The following RAB8B variants were observed in gnomAD, a reference collection of about 807,000 sequenced individuals.
RAB8B encodes the protein ras-related protein Rab-8B.
A neutral mutation model predicts 32.0 loss-of-function variants in RAB8B; 11 were observed. The ratio of observed to expected loss-of-function variants is 0.34; its 90% CI spans 0.22 to 0.57. The LOEUF is 0.57. Among genes scored for constraint, RAB8B ranks in the 20% least tolerant of loss-of-function variants. The pLI, the probability that RAB8B is intolerant of heterozygous loss-of-function variation, is 0.86. For synonymous variants in RAB8B, 103 were observed against 89.6 expected (o/e 1.15, Z -0.85); for missense variants, 190 against 258.5 (o/e 0.73, Z 1.82).
Position 63,218,610 on chromosome 15 carries a change from A to G in RAB8B, c.125-26146A>G, listed in dbSNP as rs140555336. Among the ~76,000 whole-genome samples the G allele has an allele frequency of 2.5e-3, 380 of 152,334 alleles. 1 individual carries two copies. Among genetic ancestry groups the G allele is most frequent in the Non-Finnish European group, 4.6e-3 (311 of 68,026 alleles). ...TTCCTCATTTAAAGGGCATAGTCCCACTTCATTCATTTGAAATGATGTCAG... is the reference window on the plus strand; with the variant it reads ...TTCCTCATTTAAAGGGCATAGTCCCGCTTCATTCATTTGAAATGATGTCAG... On this transcript the variant is annotated intron_variant, in intron 1 of 7. Transcript: ENST00000321437.
At chr15:63,210,317 G>C (rs574744395) in intron 1 of RAB8B, among the ~76,000 whole-genome samples, 1 of 152,306 alleles carries the variant, frequency 6.6e-6, no homozygotes, top group Admixed American at 6.5e-5. Context: ...GGCTTTCTCT[G>C]TGTCTTTGAG....
At position 63,259,286 on chromosome 15, in the gene RAB8B, A is replaced by G. The variant is rs2152584550; in HGVS notation, c.415-341A>G. Among the ~76,000 whole-genome samples the G allele has an allele frequency of 6.6e-6, 1 of 151,654 alleles. No homozygotes were observed. The highest frequency in any genetic ancestry group is 3.4e-3 in the Middle Eastern group (1 of 294). ...AGGCGGGTGCCACCACGCCCGGCTA[A>G]TTTTTTGTATTTTTAGTAGAGGCGG... On this transcript the variant is annotated intron_variant, in intron 5 of 7. Coordinates refer to ENST00000321437, the MANE Select transcript of RAB8B (RefSeq NM_016530.3). This position sits in a 1 kb window ranked among gnomAD's most constrained non-coding sequence, Gnocchi z 4.4.
intron 1 of RAB8B, among the ~76,000 whole-genome samples, chr15:63,204,244 G>A (rs2037678716): frequency 6.6e-6 from 1 of 152,176 alleles, no homozygotes; most frequent in South Asian, 2.1e-4. Flanking sequence ...ATTTTACAAA[G>A]CTAGAATTGG....
intron 7 of RAB8B, among the ~76,000 whole-genome samples, chr15:63,263,253 T>C (rs1458427674): frequency 2.0e-5 from 3 of 152,186 alleles, no homozygotes; most frequent in African/African-American, 7.2e-5. Flanking sequence ...TTACACTCCA[T>C]TGGAACTAGA....
chr15:63,199,595 T>C (rs2037630872), intron 1 of RAB8B, among the ~76,000 whole-genome samples: 1 of 152,184 alleles, frequency 6.6e-6, no homozygotes, highest in African/African-American at 2.4e-5. Flanking sequence ...TATATAAATA[T>C]ATATAATATC....
At chr15:63,234,941 G>A (rs1033054627) in intron 1 of RAB8B, among the ~76,000 whole-genome samples, 1 of 152,004 alleles carries the variant, frequency 6.6e-6, no homozygotes, top group Admixed American at 6.6e-5. Flanking sequence ...CCTTTTCCTC[G>A]AGGTGGAGAA....
At chr15:63,221,114 T>A (rs1040894036) in intron 1 of RAB8B, among the ~76,000 whole-genome samples, 3 of 152,106 alleles carry the variant, frequency 2.0e-5, no homozygotes, top group Admixed American at 2.0e-4. Context: ...ATGGAAAGGA[T>A]GGAGAATGTT....
chr15:63,204,620 TAAA>T (rs961498418), intron 1 of RAB8B, among the ~76,000 whole-genome samples: 1 of 152,204 alleles, frequency 6.6e-6, no homozygotes, highest in Non-Finnish European at 1.5e-5. Context: ...CATTAAATCT[TAAA>T]ACATGGTAGC....
intron 1 of RAB8B, among the ~76,000 whole-genome samples, chr15:63,194,257 A>T (rs1311781954): frequency 1.3e-5 from 2 of 152,380 alleles, no homozygotes; most frequent in African/African-American, 4.8e-5. Context: ...ATTATAGCAG[A>T]TCCTGTAGTG....
rs114821844 is a variant in RAB8B at position 63,213,310 on chromosome 15, G to A, written c.124+23562G>A. Among the ~76,000 whole-genome samples the A allele has an allele frequency of 7.2e-3, 1,088 of 151,652 alleles. 11 individuals carry two copies. Among genetic ancestry groups the A allele is most frequent in the African/African-American group, 0.025 (1,008 of 40,944 alleles). On this transcript the variant is annotated intron_variant, in intron 1 of 7. Transcript: ENST00000321437. ...CAGGTGGATATGTTTGGAGGGGGAC[G>A]TGGGGCAAAGCAGAGGATAGGCTAG...
At chr15:63,234,020 A>G (rs1002944305) in intron 1 of RAB8B, among the ~76,000 whole-genome samples, 26 of 152,184 alleles carry the variant, frequency 1.7e-4, no homozygotes, top group Admixed American at 9.8e-4. Flanking sequence ...TTAGTCTTTT[A>G]AAAGAAATTC....
rs115562618 is a variant in RAB8B at position 63,243,859 on chromosome 15, A to T, written c.125-897A>T. On this transcript the variant is annotated intron_variant, in intron 1 of 7. Coordinates refer to ENST00000321437, the MANE Select transcript of RAB8B (RefSeq NM_016530.3). ...AGGCTGGGAACTCCAAGGGTATGGC[A>T]TCAGCATCTGGTGAGGACCTTCATG... 7.5e-3 allele frequency among the ~76,000 whole-genome samples: 1,149 copies of T among 152,314 alleles called. 15 individuals carry two copies. Among genetic ancestry groups the T allele is most frequent in the African/African-American group, 0.026 (1,095 of 41,558 alleles).
At chr15:63,227,311 CA>C (rs35607580) in intron 1 of RAB8B, among the ~76,000 whole-genome samples, 9,739 of 152,214 alleles carry the variant, frequency 0.064, 427 homozygotes, top group Middle Eastern at 0.14. Context: ...AAACTGAGAA[CA>C]CCAAAACTGT....
At chr15:63,199,666 T>G (rs143907977) in intron 1 of RAB8B, among the ~76,000 whole-genome samples, 47 of 152,278 alleles carry the variant, frequency 3.1e-4, no homozygotes, top group Non-Finnish European at 5.1e-4. Flanking sequence ...TTTTGTTTGT[T>G]TTTTGTTTCT....
intron 1 of RAB8B, among the ~76,000 whole-genome samples, chr15:63,221,981 C>A (rs1210798214): frequency 6.6e-6 from 1 of 152,184 alleles, no homozygotes; most frequent in African/African-American, 2.4e-5. Context: ...AACTGTAGCC[C>A]TTGGTCAGTT....
intron 1 of RAB8B, among the ~76,000 whole-genome samples, chr15:63,202,778 C>T (rs188637136): frequency 6.6e-6 from 1 of 152,154 alleles, no homozygotes; most frequent in Non-Finnish European, 1.5e-5. Context: ...TTGTAAAAAC[C>T]TTGTTTGGCA....
intron 1 of RAB8B, among the ~76,000 whole-genome samples, chr15:63,235,339 A>G (rs2037969295): frequency 6.6e-6 from 1 of 152,144 alleles, no homozygotes; most frequent in African/African-American, 2.4e-5. Context: ...AAATCTTCTA[A>G]GGTACCGCTC....
At chr15:63,206,461 C>T (rs2037698853) in intron 1 of RAB8B, among the ~76,000 whole-genome samples, 1 of 152,154 alleles carries the variant, frequency 6.6e-6, no homozygotes, top group African/African-American at 2.4e-5. Flanking sequence ...CTAACAAGTG[C>T]TTCCCCAGCA....
intron 1 of RAB8B, among the ~76,000 whole-genome samples, chr15:63,216,693 C>G (rs1002059148): frequency 6.6e-6 from 1 of 151,816 alleles, no homozygotes; most frequent in Non-Finnish European, 1.5e-5. Flanking sequence ...AACCCTGTCT[C>G]TACTAAAAAT....
Sources: gnomAD v4.1 joint callset for allele counts (sites outside exome capture counted in the v4.1 genomes callset) on GRCh38, gnomAD v4.1.1 for gene constraint, Gnocchi (gnomAD v3.1) non-coding constraint, MANE v1.5 for transcripts, NCBI Gene and HGNC (gene_info 2026-07-23, HGNC 2026-07-21) for gene names.